Variants in SLC4A4 observed in about 807,000 individuals in gnomAD.
SLC4A4 encodes solute carrier family 4 member 4, also known as electrogenic sodium bicarbonate cotransporter 1.
SLC4A4 carries 27 observed loss-of-function variants against 111.5 expected under a neutral mutation model. The ratio of observed to expected loss-of-function variants is 0.24; its 90% CI spans 0.18 to 0.33. The LOEUF is 0.33. Ranked by LOEUF, SLC4A4 falls within the 10% of genes least tolerant of loss-of-function variation. The pLI is 1.00. For synonymous variants in SLC4A4, 443 were observed against 463.4 expected, an observed-to-expected ratio of 0.96 and a Z score of 0.57; for missense variants, 909 against 1,315.5, an observed-to-expected ratio of 0.69 and a Z score of 4.78.
chr4:71,300,601 C>A, intron 3 of SLC4A4: 1 of 279,792 alleles, frequency 3.6e-6, no homozygotes, highest in South Asian at 4.8e-5. Context: ...GGGCAGCTGC[C>A]GTCTCTTCAT....
At chr4:71,125,900 C>T (rs1008389479) in intron 2 of SLC4A4, among the ~76,000 whole-genome samples, 3 of 152,114 alleles carry the variant, frequency 2.0e-5, no homozygotes. Flanking sequence ...TTTTAAGAAG[C>T]AGGAAATACT....
At chr4:71,454,969 GTCTGGATAC>G (rs1360024151) in intron 12 of SLC4A4, among the ~76,000 whole-genome samples, 6 of 152,198 alleles carry the variant, frequency 3.9e-5, no homozygotes, top group African/African-American at 1.4e-4. Context: ...AATATTTGGG[GTCTGGATAC>G]TCTCCACACG....
At chr4:71,499,126 T>A (rs1354543741) in intron 16 of SLC4A4, among the ~76,000 whole-genome samples, 1 of 152,084 alleles carries the variant, frequency 6.6e-6, no homozygotes, top group Non-Finnish European at 1.5e-5. Flanking sequence ...TTATTGGGCA[T>A]CTTGGATTTT....
At chr4:71,185,403 C>T (rs1745420457), upstream of SLC4A4, among the ~76,000 whole-genome samples, 1 of 152,168 alleles carries the variant, frequency 6.6e-6, no homozygotes. Context: ...AGCCTAGAAA[C>T]AGAACATAAT....
At chr4:71,491,938 C>T (rs1237152575) in intron 15 of SLC4A4, among the ~76,000 whole-genome samples, 1 of 151,080 alleles carries the variant, frequency 6.6e-6, no homozygotes, top group Non-Finnish European at 1.5e-5. Flanking sequence ...AATACAGAAC[C>T]TTTAATTATT....
At chr4:71,255,788 G>GTGTATGTCTATATATTA (rs1280696028) in intron 3 of SLC4A4, among the ~76,000 whole-genome samples, 2 of 152,094 alleles carry the variant, frequency 1.3e-5, no homozygotes, top group Non-Finnish European at 2.9e-5. Context: ...GAAGATGAGA[G>GTGTATGTCTATATATTA]TGTATGTCTA....
chr4:71,084,771 A>C (rs1387532511), intron 1 of SLC4A4, among the ~76,000 whole-genome samples: 1 of 152,026 alleles, frequency 6.6e-6, no homozygotes, highest in Non-Finnish European at 1.5e-5. Context: ...TCCATGGTGT[A>C]TATGTGCCAC....
chr4:71,212,082 C>T (rs977241704), intron 1 of SLC4A4, among the ~76,000 whole-genome samples: 9 of 152,174 alleles, frequency 5.9e-5, no homozygotes, highest in African/African-American at 1.4e-4. Context: ...GAAAATCTAA[C>T]CTTCCAGCCT....
chr4:71,394,590 A>G (rs1257588320), intron 6 of SLC4A4, among the ~76,000 whole-genome samples: 1 of 152,160 alleles, frequency 6.6e-6, no homozygotes, highest in African/African-American at 2.4e-5. Flanking sequence ...GGAAAACTGG[A>G]AAACAGTGTA....
Position 71,563,852 on chromosome 4 carries a change from A to G in SLC4A4, c.3159A>G (p.Glu1053=). ...PSIKIPMDIM[E]QQPFLSDSKP... ...TTAAAATTCCAATGGACATCATGGA[A>G]CAGCAACCTTTCCTAAGCGATAGCA... Residue 1053 remains glutamate, a synonymous_variant, in exon 24 of 26, where the codon GAA becomes GAG. Coordinates refer to ENST00000264485, the MANE Select transcript of SLC4A4 (RefSeq NM_001098484.3). 1 of 1,611,604 alleles carries G rather than the reference A, an allele frequency of 6.2e-7. No individual in the cohort carries two copies. Among genetic ancestry groups the G allele is most frequent in the Non-Finnish European group, 8.5e-7 (1 of 1,178,308 alleles).
chr4:71,371,686 A>G (rs1731898619), intron 6 of SLC4A4, among the ~76,000 whole-genome samples: 1 of 152,146 alleles, frequency 6.6e-6, no homozygotes, highest in Non-Finnish European at 1.5e-5. Flanking sequence ...TGTGCCTCAC[A>G]ATGGAAGATT....
At chr4:71,559,804 T>C (rs3816469) in intron 22 of SLC4A4, among the ~76,000 whole-genome samples, 30,366 of 151,812 alleles carry the variant, frequency 0.2, 3,264 homozygotes, top group Admixed American at 0.32. Context: ...AAGGCAATGG[T>C]TTTGAAAAAC....
upstream of SLC4A4, among the ~76,000 whole-genome samples, chr4:71,186,399 C>T (rs756676097): frequency 6.6e-6 from 1 of 152,220 alleles, no homozygotes; most frequent in Non-Finnish European, 1.5e-5. Context: ...AGCTGGGAAA[C>T]TCACGCAATT....
intron 1 of SLC4A4, among the ~76,000 whole-genome samples, chr4:71,220,258 A>G (rs1383780165): frequency 6.6e-6 from 1 of 152,244 alleles, no homozygotes; most frequent in East Asian, 1.9e-4. Flanking sequence ...GGTGATTGTT[A>G]GCATTTTTTA....
At chr4:71,536,364 A>G (rs1218637424) in intron 18 of SLC4A4, among the ~76,000 whole-genome samples, 2 of 149,524 alleles carry the variant, frequency 1.3e-5, no homozygotes, top group African/African-American at 4.9e-5. Context: ...TTTGGAAAAT[A>G]AAATCTGCTA....
chr4:71,466,000 A>G (rs764811895), intron 12 of SLC4A4, among the ~76,000 whole-genome samples: 5 of 152,124 alleles, frequency 3.3e-5, no homozygotes, highest in African/African-American at 9.7e-5. Flanking sequence ...GCTTTTGTAC[A>G]TAAAAGAGAG....
chr4:71,197,658 T>C (rs1287896110), intron 1 of SLC4A4, among the ~76,000 whole-genome samples: 2 of 152,170 alleles, frequency 1.3e-5, no homozygotes, highest in Admixed American at 1.3e-4. Flanking sequence ...CACACCAACA[T>C]GGCACATGTA....
intron 9 of SLC4A4, among the ~76,000 whole-genome samples, chr4:71,449,731 A>G (rs1725586846): frequency 6.6e-6 from 1 of 152,202 alleles, no homozygotes; most frequent in Non-Finnish European, 1.5e-5. Flanking sequence ...AAATGGAATG[A>G]TTGACAGAAA....
exon 2 of SLC4A4, among the ~76,000 whole-genome samples, chr4:71,092,787 C>T (rs1398117089): frequency 6.6e-6 from 1 of 152,128 alleles, no homozygotes; most frequent in African/African-American, 2.4e-5. Context: ...TGATGCTTGA[C>T]CTATTGTAAG....
Sources: allele counts gnomAD v4.1 joint callset (sites outside exome capture counted in the v4.1 genomes callset), GRCh38; gene constraint gnomAD v4.1.1; transcripts MANE v1.5; gene names NCBI Gene and HGNC (gene_info 2026-07-23, HGNC 2026-07-21).